Variants in PLCG1 observed in about 807,000 individuals in gnomAD.
The protein encoded by PLCG1 is phospholipase C gamma 1, also known as 1-phosphatidylinositol 4,5-bisphosphate phosphodiesterase gamma-1.
In PLCG1, 71 loss-of-function variants were observed where a neutral mutation model predicts 177.8. The observed-to-expected ratio is 0.40, with a 90% CI of 0.33 to 0.49. The LOEUF is 0.49. PLCG1 is among the 20% of genes least tolerant of loss of function. The pLI is 0.72. For synonymous variants in PLCG1, 658 were observed against 647.9 expected (o/e 1.02, Z -0.24); for missense variants, 1,281 against 1,709.0 (o/e 0.75, Z 4.42).
In PLCG1 at chr20:41,159,997, A is replaced by G. The variant is rs2035444274; in HGVS notation, c.464+34A>G. Reference sequence around the variant, plus strand: ...CACTCCTGAAGGGGTTAGGGCTGGGAGCATTAGGGACCAGGGGGACAGGGA... The same window carrying G: ...CACTCCTGAAGGGGTTAGGGCTGGGGGCATTAGGGACCAGGGGGACAGGGA... On this transcript the variant is annotated intron_variant, in intron 3 of 31. Transcript: ENST00000685551. This position sits in a 1 kb window ranked among gnomAD's most constrained non-coding sequence, Gnocchi z 6.0. 1.2e-6 allele frequency: 2 copies of G among 1,602,198 alleles called. No homozygotes were observed. Among genetic ancestry groups the G allele is most frequent in the South Asian group, 1.1e-5 (1 of 90,870 alleles).
At position 41,163,453 on chromosome 20, in the gene PLCG1, G is replaced by T; in HGVS notation, c.865G>T (p.Glu289Ter). ...CCTCCGAGACCCCTTACGAGAGATC[G>T]AGGAGCCATACTTCTTCCTGGATGA... is the stretch of plus-strand genomic sequence containing the variant. ...SFLRDPLREI[E>*]EPYFFLDEFV... Residue 289 changes from glutamate (E) to a stop codon, truncating the protein, a stop_gained, in exon 9 of 32, where the codon GAG becomes TAG. Transcript: ENST00000685551. LOFTEE classifies it high-confidence loss of function. The surrounding 1 kb of genome is among the most constrained non-coding windows in gnomAD (Gnocchi z 5.2). 6.2e-7 allele frequency: 1 copy of T among 1,611,620 alleles called. No homozygotes were observed.
chr20:41,166,777 A>G lies in PLCG1; in HGVS notation c.2219A>G (p.Tyr740Cys). ...EFDSLVDLIS[Y>C]YEKHPLYRKM... is the part of the protein sequence containing the mutation. ...GACAGCCTTGTTGACCTCATCAGCT[A>G]CTATGAGAAACACCCGCTATACCGC... Residue 740 changes from tyrosine (Y) to cysteine (C), a missense_variant, in exon 19 of 32, where the codon TAC becomes TGC. By Grantham distance (194) the Tyr-to-Cys change is radical. Transcript: ENST00000685551. This position sits in a 1 kb window ranked among gnomAD's most constrained non-coding sequence, Gnocchi z 8.6. The G allele has an allele frequency of 6.2e-7, 1 of 1,614,114 alleles. No homozygotes were observed. The highest frequency in any genetic ancestry group is 8.5e-7 in the Non-Finnish European group (1 of 1,179,968).
Position 41,149,866 on chromosome 20 carries a change from T to C in PLCG1, c.218-9740T>C, listed in dbSNP as rs36023298. Among the ~76,000 whole-genome samples the C allele has an allele frequency of 4.6e-3, 708 of 152,264 alleles. 21 individuals are homozygous for C. Among genetic ancestry groups the C allele is most frequent in the Admixed American group, 0.043 (658 of 15,300 alleles). ...GAGAGGGCGTGATCAACCATGTTGATTGCTCTGAGGTGTCAGGAAGGAGGA... is the reference window on the plus strand; with the variant it reads ...GAGAGGGCGTGATCAACCATGTTGACTGCTCTGAGGTGTCAGGAAGGAGGA... On this transcript the variant is annotated intron_variant, in intron 1 of 31. Coordinates refer to ENST00000685551, the MANE Select transcript of PLCG1 (RefSeq NM_002660.3).
chr20:41,138,063 AC>A (rs555844818), intron 1 of PLCG1: 75 of 383,198 alleles, frequency 2.0e-4, no homozygotes, highest in Admixed American at 5.9e-4. Flanking sequence ...CTGACAGGAC[AC>A]CCCCCCTCCC....
Position 41,173,190 on chromosome 20 carries a change from A to G in PLCG1, c.3280-230A>G, listed in dbSNP as rs2035957335. ...TGGATTTAACATGAAGTAGATTGCA[A>G]AACTCACATGGAAATTTTGGCTAAA... On this transcript the variant is annotated intron_variant, in intron 27 of 31. Transcript: ENST00000685551. This position sits in a 1 kb window ranked among gnomAD's most constrained non-coding sequence, Gnocchi z 6.2. Among the ~76,000 whole-genome samples the G allele has an allele frequency of 1.3e-5, 2 of 152,150 alleles. No individual in the cohort carries two copies. The highest frequency in any genetic ancestry group is 2.1e-4 in the South Asian group (1 of 4,826).
chr20:41,170,060 T>G, intron 23 of PLCG1, 52 bp from the exon 24 acceptor site: 1 of 1,516,662 alleles, frequency 6.6e-7, no homozygotes, highest in Non-Finnish European at 9.0e-7. Flanking sequence ...TGGAGTGGGG[T>G]GGAGGGGGTG....
At position 41,172,590 on chromosome 20, in the gene PLCG1, T is replaced by C. The variant is rs1376606089; in HGVS notation, c.3075T>C (p.Pro1025=). 6 of 1,614,076 alleles carry C rather than the reference T, an allele frequency of 3.7e-6. No homozygotes were observed. The highest frequency in any genetic ancestry group is 4.2e-6 in the Non-Finnish European group (5 of 1,180,030). ...GACTGGATTCCTCCAACTACGATCCTTTGCCCATGTGGATCTGTGGCAGTC... is the reference window on the plus strand; with the variant it reads ...GACTGGATTCCTCCAACTACGATCCCTTGCCCATGTGGATCTGTGGCAGTC... ...GQRLDSSNYD[P]LPMWICGSQL... Residue 1025 remains proline (P), a synonymous_variant, in exon 26 of 32, where the codon CCT becomes CCC. Transcript: ENST00000685551. The surrounding 1 kb of genome is among the most constrained non-coding windows in gnomAD (Gnocchi z 7.0).
Position 41,162,634 on chromosome 20 carries a change from C to T in PLCG1, c.598-8C>T, listed in dbSNP as rs766936996. ...GCCTGACTGGCACTCCTGCTCTATACCATGCAGGACCTGGAGCAGCGCAGC... is the reference window on the plus strand; with the variant it reads ...GCCTGACTGGCACTCCTGCTCTATATCATGCAGGACCTGGAGCAGCGCAGC... On this transcript the variant is annotated splice_polypyrimidine_tract_variant and splice_region_variant and intron_variant, in intron 5 of 31. Transcript: ENST00000685551. 5.0e-6 allele frequency: 8 copies of T among 1,611,538 alleles called. No individual in the cohort carries two copies. Among genetic ancestry groups the T allele is most frequent in the Non-Finnish European group, 6.8e-6 (8 of 1,177,872 alleles).
intron 1 of PLCG1, among the ~76,000 whole-genome samples, chr20:41,149,766 A>G (rs962149154): frequency 1.3e-5 from 2 of 152,212 alleles, no homozygotes; most frequent in Admixed American, 6.5e-5. Context: ...AAATGCAGGT[A>G]GGCCTGTAGC....
Position 41,170,029 on chromosome 20 carries a change from T to C in PLCG1, c.2651-83T>C, listed in dbSNP as rs1375992876. On this transcript the variant is annotated intron_variant, in intron 23 of 31. Coordinates refer to ENST00000685551, the MANE Select transcript of PLCG1 (RefSeq NM_002660.3). ...AGGAAATGGGATGAGATAGAACTCA[T>C]TTGAGCCAGTGCCTGCGGTGTGGAG... 2.4e-6 allele frequency: 3 copies of C among 1,276,300 alleles called. No homozygotes were observed. In the Admixed American group the frequency reaches 6.0e-5, roughly 26 times the overall value. 79.1% of individuals were successfully genotyped at this position (1,276,300 alleles called of 1,614,324 possible).
At chr20:41,168,722 C>T in intron 20 of PLCG1, 45 bp from the exon 21 acceptor site, 1 of 1,244,592 alleles carries the variant, frequency 8.0e-7, no homozygotes, top group East Asian at 2.4e-5. Context: ...TTGGCAGTGG[C>T]AGGGAGAGCC....
In PLCG1 at chr20:41,167,849, C is replaced by T; in HGVS notation, c.2302-3C>T. ...AACATATCCCATTGTGTCCTGTTTC[C>T]AGGAGCCTGACTACGGGGCCCTGTA... On this transcript the variant is annotated splice_polypyrimidine_tract_variant and splice_region_variant and intron_variant, in intron 19 of 31. Coordinates refer to ENST00000685551, the MANE Select transcript of PLCG1 (RefSeq NM_002660.3). The surrounding 1 kb of genome is among the most constrained non-coding windows in gnomAD (Gnocchi z 4.4). 1 of 1,610,622 alleles carries T rather than the reference C, an allele frequency of 6.2e-7. No individual in the cohort carries two copies.
chr20:41,137,983 C>A lies in PLCG1; in HGVS notation c.217+125C>A. 1 of 578,708 alleles carries A rather than the reference C, an allele frequency of 1.7e-6. No homozygotes were observed. The highest frequency in any genetic ancestry group is 2.6e-6 in the Non-Finnish European group (1 of 389,622). 35.8% of individuals were successfully genotyped at this position (578,708 alleles called of 1,614,324 possible). ...CAAACTTTCGGGCCCTCCCAGACTC[C>A]CTCCGGGCCCCGCCCCCGCTTCGTC... On this transcript the variant is annotated intron_variant, in intron 1 of 31. Transcript: ENST00000685551. The surrounding 1 kb of genome is among the most constrained non-coding windows in gnomAD (Gnocchi z 7.3).
Position 41,137,568 on chromosome 20 carries a change from A to G in PLCG1, c.-74A>G, listed in dbSNP as rs2034636740. On this transcript the variant is annotated 5_prime_UTR_variant, in exon 1 of 32. Transcript: ENST00000685551. This position sits in a 1 kb window ranked among gnomAD's most constrained non-coding sequence, Gnocchi z 7.3. ...GTCTGCCGCCTCAGCCTCAGCCCCA[A>G]CCTCAGCCGCCGCCGTTGCGCTTGC... The G allele has an allele frequency of 2.2e-6, 2 of 924,214 alleles. No individual in the cohort carries two copies. The highest frequency in any genetic ancestry group is 2.8e-6 in the Non-Finnish European group (2 of 706,604). The allele number at this position is 924,214 out of a possible 1,614,324, so 57.3% of individuals were successfully genotyped here. A position where few individuals can be genotyped will look rare whatever the true frequency, so the allele number is the denominator to read the frequency against.
At position 41,153,114 on chromosome 20, in the gene PLCG1, C is replaced by T. The variant is rs368895518; in HGVS notation, c.218-6492C>T. On this transcript the variant is annotated intron_variant, in intron 1 of 31. Coordinates refer to ENST00000685551, the MANE Select transcript of PLCG1 (RefSeq NM_002660.3). The surrounding 1 kb of genome is among the most constrained non-coding windows in gnomAD (Gnocchi z 5.1). ...GGAAGGAACCTGTCCAGGAAATCTT[C>T]GCTTACCTCTTTCAAGCTCTTTAGA... Among the ~76,000 whole-genome samples, 20 of 152,258 alleles carry T rather than the reference C, an allele frequency of 1.3e-4. No homozygotes were observed. The highest frequency in any genetic ancestry group is 4.6e-4 in the Admixed American group (7 of 15,298).
In PLCG1 at chr20:41,150,117, G is replaced by A. The variant is rs992083370; in HGVS notation, c.218-9489G>A. Reference sequence around the variant, plus strand: ...GGTGGGAGGATCACCTGCACCTGGGGAGGTAGAGGCTACAGTGAGCCCTGT... The same window carrying A: ...GGTGGGAGGATCACCTGCACCTGGGAAGGTAGAGGCTACAGTGAGCCCTGT... On this transcript the variant is annotated intron_variant, in intron 1 of 31. Transcript: ENST00000685551. The surrounding 1 kb of genome is among the most constrained non-coding windows in gnomAD (Gnocchi z 4.0). 6.6e-6 allele frequency among the ~76,000 whole-genome samples: 1 copy of A among 152,142 alleles called. No individual in the cohort carries two copies.
At chr20:41,158,915 C>T (rs535515251) in intron 1 of PLCG1, among the ~76,000 whole-genome samples, 3 of 152,230 alleles carry the variant, frequency 2.0e-5, no homozygotes, top group African/African-American at 7.2e-5. Context: ...AGGTCATCTG[C>T]TATTCAAGCC....
rs151282703 is a variant in PLCG1 at position 41,170,201 on chromosome 20, G to A, written c.2740G>A (p.Asp914Asn). 86 of 1,614,106 alleles carry A rather than the reference G, an allele frequency of 5.3e-5. No homozygotes were observed. The African/African-American group carries it at 6.0e-4, about 11-fold the overall frequency. ...CCACTGGTCCCTGGATGTTGCTGCCGACTCACAGGAGGAGCTGCAGGACTG... is the reference window on the plus strand; with the variant it reads ...CCACTGGTCCCTGGATGTTGCTGCCAACTCACAGGAGGAGCTGCAGGACTG... The part of the protein sequence containing the change: ...VAHWSLDVAA[D>N]SQEELQDWVK... The change falls in exon 24 of 32, where the codon GAC becomes AAC. Residue 914 changes from aspartate (D) to asparagine (N), a missense_variant. Transcript: ENST00000685551.
rs970224315 is a variant in PLCG1, at chr20:41,165,780, G to A, written c.1753G>A (p.Val585Met). 7.5e-6 allele frequency: 12 copies of A among 1,603,930 alleles called. No individual in the cohort carries two copies. Among genetic ancestry groups the A allele is most frequent in the East Asian group, 2.2e-5 (1 of 44,636 alleles). The part of the protein sequence containing the change: ...ETGAPDGSFL[V>M]RESETFVGDY... ...CGGAGCCCCTGACGGCTCCTTCCTC[G>A]TGCGAGAGAGTGAGACCTTCGTGGG... The change falls in exon 16 of 32, where the codon GTG becomes ATG. Residue 585 changes from valine (V) to methionine (M), a missense_variant. Physicochemically the swap from Val to Met is conservative, Grantham distance 21. Coordinates refer to ENST00000685551, the MANE Select transcript of PLCG1 (RefSeq NM_002660.3). This position sits in a 1 kb window ranked among gnomAD's most constrained non-coding sequence, Gnocchi z 6.6.
Sources: allele counts gnomAD v4.1 joint callset (sites outside exome capture counted in the v4.1 genomes callset), GRCh38; gene constraint gnomAD v4.1.1; non-coding constraint Gnocchi (gnomAD v3.1); transcripts MANE v1.5; gene names NCBI Gene and HGNC (gene_info 2026-07-23, HGNC 2026-07-21).